The following TOX2 variants were observed in gnomAD, a reference collection of about 807,000 sequenced individuals.
TOX2 encodes the protein granulosa cell HMG box 1.
TOX2 carries 15 observed loss-of-function variants against 47.4 expected under a neutral mutation model. That is an observed-to-expected ratio of 0.32 (90% CI 0.21 to 0.49). The LOEUF (loss-of-function observed/expected upper bound fraction) is 0.49, where lower values mean the gene tolerates loss of function less well. TOX2 is among the 20% of genes least tolerant of loss of function. TOX2 has a pLI of 0.99. For synonymous variants in TOX2, 290 were observed against 296.6 expected (o/e 0.98, Z 0.23); for missense variants, 622 against 673.1 (o/e 0.92, Z 0.84).
At chr20:44,030,638 C>T (rs569949420) in intron 3 of TOX2, among the ~76,000 whole-genome samples, 2 of 152,324 alleles carry the variant, frequency 1.3e-5, no homozygotes, top group Admixed American at 6.5e-5. Flanking sequence ...GCTTCCCTCT[C>T]GGCCCTCACC....
At chr20:44,043,863 T>G (rs1045957150) in intron 3 of TOX2, among the ~76,000 whole-genome samples, 3 of 152,210 alleles carry the variant, frequency 2.0e-5, no homozygotes, top group African/African-American at 7.2e-5. Flanking sequence ...TAGACACATA[T>G]ATAGGCAAAC....
chr20:44,012,231 C>T (rs1234264015), intron 3 of TOX2, among the ~76,000 whole-genome samples: 1 of 152,202 alleles, frequency 6.6e-6, no homozygotes, highest in Non-Finnish European at 1.5e-5. Context: ...AGTCTGAAAT[C>T]ATTTATTTTG....
chr20:44,008,073 G>A (rs1194750897), intron 3 of TOX2, among the ~76,000 whole-genome samples: 1 of 152,142 alleles, frequency 6.6e-6, no homozygotes, highest in Non-Finnish European at 1.5e-5. Context: ...TTCCCAGGTT[G>A]GGGGAATATC....
At chr20:43,963,563 G>A (rs973229237) in intron 1 of TOX2, among the ~76,000 whole-genome samples, 1 of 152,210 alleles carries the variant, frequency 6.6e-6, no homozygotes, top group East Asian at 1.9e-4. Flanking sequence ...GCAGGTCTTG[G>A]CTGTGTGGCC....
At chr20:43,981,498 G>A (rs1316363371) in intron 2 of TOX2, among the ~76,000 whole-genome samples, 1 of 152,184 alleles carries the variant, frequency 6.6e-6, no homozygotes, top group East Asian at 1.9e-4. Context: ...TTTGCGCGTT[G>A]TACATGCATG....
Position 44,008,630 on chromosome 20 carries a change from A to AT in TOX2, c.411+1846dup, listed in dbSNP as rs570979989. 2.5e-3 allele frequency among the ~76,000 whole-genome samples: 375 copies of AT among 151,988 alleles called. 2 individuals carry two copies. The highest frequency in any genetic ancestry group is 8.7e-3 in the African/African-American group (360 of 41,466). ...TAGAAAAATGGTAGAACAGTAGAGC[A>AT]TTTTTTTTATACCACAGAAAAATCT... is the stretch of plus-strand genomic sequence containing the variant. On this transcript the variant is annotated intron_variant, in intron 3 of 8. Transcript: ENST00000341197.
intron 2 of TOX2, among the ~76,000 whole-genome samples, chr20:43,976,908 T>C (rs1176884462): frequency 6.6e-6 from 1 of 152,112 alleles, no homozygotes; most frequent in Non-Finnish European, 1.5e-5. Flanking sequence ...AACATTTGGG[T>C]AAAATGAAGC....
intron 1 of TOX2, among the ~76,000 whole-genome samples, chr20:43,952,279 C>T (rs529181597): frequency 6.6e-6 from 1 of 152,112 alleles, no homozygotes; most frequent in Non-Finnish European, 1.5e-5. Flanking sequence ...TCTCAGCTAT[C>T]TTCTCGCCCT....
At chr20:43,982,651 C>T (rs746116397) in intron 2 of TOX2, among the ~76,000 whole-genome samples, 20 of 151,782 alleles carry the variant, frequency 1.3e-4, no homozygotes, top group Non-Finnish European at 2.1e-4. Context: ...GAGGAGCCCA[C>T]TGCCCAGCAC....
chr20:43,978,923 A>G (rs986077034), intron 2 of TOX2, among the ~76,000 whole-genome samples: 3 of 152,166 alleles, frequency 2.0e-5, no homozygotes, highest in African/African-American at 7.2e-5. Context: ...AAGGATCAAG[A>G]TCTAGATTGT....
intron 1 of TOX2, among the ~76,000 whole-genome samples, chr20:43,939,384 T>A (rs1449872526): frequency 6.6e-6 from 1 of 152,190 alleles, no homozygotes; most frequent in Non-Finnish European, 1.5e-5. Context: ...GGCAAAACCT[T>A]GGTCTAGCTT....
At chr20:44,068,198 G>A (rs937219136) in intron 8 of TOX2, among the ~76,000 whole-genome samples, 2 of 152,112 alleles carry the variant, frequency 1.3e-5, no homozygotes, top group African/African-American at 4.8e-5. Context: ...CTTAGGGTAT[G>A]TAGGGGAGTG....
intron 2 of TOX2, among the ~76,000 whole-genome samples, chr20:43,980,479 C>A (rs551884863): frequency 1.3e-5 from 2 of 152,162 alleles, no homozygotes; most frequent in South Asian, 4.2e-4. Flanking sequence ...TCAATAATTG[C>A]GTATTTTAAA....
At chr20:44,036,904 C>T (rs1005825477) in intron 3 of TOX2, among the ~76,000 whole-genome samples, 3 of 152,222 alleles carry the variant, frequency 2.0e-5, no homozygotes, top group Non-Finnish European at 4.4e-5. Context: ...TTGGAGGCTC[C>T]CTCCTGGCAT....
intron 3 of TOX2, among the ~76,000 whole-genome samples, chr20:44,016,413 T>C (rs8117525): frequency 0.012 from 1,767 of 152,220 alleles, 34 homozygotes; most frequent in African/African-American, 0.04. Flanking sequence ...CGTGAGCCAC[T>C]ATGCCTGGCC....
chr20:44,036,703 C>A (rs947563089), intron 3 of TOX2, among the ~76,000 whole-genome samples: 1 of 152,260 alleles, frequency 6.6e-6, no homozygotes, highest in Admixed American at 6.5e-5. Flanking sequence ...GCATTCTCAT[C>A]TATGGCTGCT....
intron 1 of TOX2, among the ~76,000 whole-genome samples, chr20:43,948,695 AGCCAGGGGGCCTGGCAGATGTT>A (rs534777008): frequency 5.2e-4 from 79 of 152,336 alleles, no homozygotes; most frequent in African/African-American, 1.8e-3. Flanking sequence ...ATCTCCGTCT[AGCCAGGGGGCCTGGCAGATGTT>A]CACACATCTG....
Position 43,972,258 on chromosome 20 carries a change from A to G in TOX2, c.100-1109A>G, listed in dbSNP as rs527761499. The stretch of plus-strand genomic sequence containing the variant: ...GGCCTATGACTTCCTTACCTGGGCT[A>G]CAACAGCCACCCCTTGCTTCGTGTT... On this transcript the variant is annotated intron_variant, in intron 1 of 8. Coordinates refer to ENST00000341197, the MANE Select transcript of TOX2 (RefSeq NM_001098797.2). Among the ~76,000 whole-genome samples the G allele has an allele frequency of 5.3e-5, 8 of 152,336 alleles. No homozygotes were observed. In the South Asian group the frequency reaches 1.2e-3, roughly 24 times the overall value.
chr20:43,927,587 A>AATTT, intron 1 of TOX2, among the ~76,000 whole-genome samples: 1 of 121,072 alleles, frequency 8.3e-6, no homozygotes, highest in South Asian at 3.0e-4. Context: ...ATGAAGAGTT[A>AATTT]ATTTCCTTCC....
Sources: allele counts gnomAD v4.1 joint callset (sites outside exome capture counted in the v4.1 genomes callset), GRCh38; gene constraint gnomAD v4.1.1; transcripts MANE v1.5; gene names NCBI Gene and HGNC (gene_info 2026-07-23, HGNC 2026-07-21).